The following CCDC93 variants were observed in gnomAD, a reference collection of about 807,000 sequenced individuals.
The protein encoded by CCDC93 is CCC complex scaffolding subunit CCDC93.
Under a neutral mutation model 108.2 loss-of-function variants are expected in CCDC93, and 61 were observed. The ratio of observed to expected loss-of-function variants is 0.56; its 90% confidence interval spans 0.46 to 0.70. The LOEUF is 0.70. Ranked by LOEUF, CCDC93 falls within the 30% of genes least tolerant of loss-of-function variation. CCDC93 has a pLI of 0.00. For missense variants in CCDC93, 685 were observed against 764.2 expected, an observed-to-expected ratio of 0.90 and a Z score of 1.22; for synonymous variants, 276 against 260.4, an observed-to-expected ratio of 1.06 and a Z score of -0.58.
intron 17 of CCDC93, among the ~76,000 whole-genome samples, chr2:117,944,303 C>G (rs1266512429): frequency 6.6e-6 from 1 of 152,180 alleles, no homozygotes; most frequent in Non-Finnish European, 1.5e-5. Flanking sequence ...TTCTGGGACC[C>G]AGGGCAAATC....
chr2:117,980,660 T>G (rs899578826), intron 7 of CCDC93, among the ~76,000 whole-genome samples: 2 of 152,196 alleles, frequency 1.3e-5, no homozygotes, highest in Non-Finnish European at 2.9e-5. Context: ...AGGAAGAAAT[T>G]TGCTTCATTC....
intron 23 of CCDC93, among the ~76,000 whole-genome samples, chr2:117,926,700 G>A (rs926566537): frequency 2.6e-5 from 4 of 152,202 alleles, no homozygotes; most frequent in African/African-American, 7.2e-5. Flanking sequence ...ACAAGGAGGA[G>A]CTGGTACCAT....
At chr2:117,988,360 T>C (rs1680380910) in intron 6 of CCDC93, among the ~76,000 whole-genome samples, 1 of 152,162 alleles carries the variant, frequency 6.6e-6, no homozygotes, top group Admixed American at 6.6e-5. Flanking sequence ...ACCATGGCAG[T>C]GTCTGCAGCA....
At chr2:117,932,695 A>C (rs961240147) in intron 22 of CCDC93, among the ~76,000 whole-genome samples, 6 of 152,164 alleles carry the variant, frequency 3.9e-5, no homozygotes, top group South Asian at 2.1e-4. Flanking sequence ...CTCAGCAGCA[A>C]GTCCTGATCC....
Position 117,950,039 on chromosome 2 carries a change from T to C in CCDC93, c.1069-644A>G, listed in dbSNP as rs17047567. On this transcript the variant is annotated intron_variant, in intron 13 of 23. Coordinates refer to ENST00000376300, the MANE Select transcript of CCDC93 (RefSeq NM_019044.5). ...CTCAGAGGCAGGGCGGGGTCCCACA[T>C]AGTTGGTGATACCCAGCAGAAATGG... 8.1e-3 allele frequency: 7,987 copies of C among 985,332 alleles called. 482 individuals are homozygous for C. In the African/African-American group the frequency reaches 0.12, roughly 15 times the overall value. 61.0% of individuals were successfully genotyped at this position (985,332 alleles called of 1,614,324 possible).
At chr2:117,932,355 A>C (rs1678368415) in intron 22 of CCDC93, among the ~76,000 whole-genome samples, 1 of 152,070 alleles carries the variant, frequency 6.6e-6, no homozygotes, top group Non-Finnish European at 1.5e-5. Context: ...CTATAGGTAA[A>C]ATTGACTGCA....
At chr2:117,949,208 G>C (rs1018974170) in intron 14 of CCDC93, 114 bp downstream of exon 14, 1 of 737,342 alleles carries the variant, frequency 1.4e-6, no homozygotes, top group Admixed American at 2.0e-5. Flanking sequence ...ACCTGCAGGG[G>C]CCAGACCAAT....
chr2:117,980,905 T>C (rs1034436955), intron 7 of CCDC93, among the ~76,000 whole-genome samples: 5 of 152,200 alleles, frequency 3.3e-5, no homozygotes, highest in East Asian at 1.9e-4. Context: ...TCTGTCTCTA[T>C]GGATTTGCTA....
At chr2:117,939,743 C>T (rs140229622) in intron 19 of CCDC93, among the ~76,000 whole-genome samples, 35 of 152,290 alleles carry the variant, frequency 2.3e-4, no homozygotes, top group African/African-American at 8.4e-4. Context: ...GATCTGATCT[C>T]CTCCAATAGA....
chr2:117,943,088 C>T (rs537484271), intron 18 of CCDC93, among the ~76,000 whole-genome samples: 1 of 152,320 alleles, frequency 6.6e-6, no homozygotes, highest in African/African-American at 2.4e-5. Context: ...ATTCTACAGC[C>T]ACTGCCTAAC....
chr2:118,002,078 T>C (rs189345105), intron 3 of CCDC93, among the ~76,000 whole-genome samples: 1 of 151,798 alleles, frequency 6.6e-6, no homozygotes, highest in African/African-American at 2.4e-5. Context: ...TTAAAAAAAA[T>C]CTTAGCCAGT....
Position 117,996,375 on chromosome 2 carries a change from G to A in CCDC93, c.364-13C>T. The A allele has an allele frequency of 3.1e-6, 5 of 1,591,212 alleles. No homozygotes were observed. The highest frequency in any genetic ancestry group is 1.1e-5 in the South Asian group (1 of 90,616). ...GTTTCACCAGCCACTGGGGAAGAAA[G>A]TGAAAAGACAAGAGTTGCTAAGGAC... is the stretch of plus-strand genomic sequence containing the variant. On this transcript the variant is annotated splice_polypyrimidine_tract_variant and intron_variant, in intron 4 of 23. Transcript: ENST00000376300.
At position 117,919,481 on chromosome 2, in the gene CCDC93, A is replaced by C. The variant is rs1023758456; in HGVS notation, c.*862T>G. On this transcript the variant is annotated 3_prime_UTR_variant, in exon 24 of 24. Coordinates refer to ENST00000376300, the MANE Select transcript of CCDC93 (RefSeq NM_019044.5). ...GCCTTGAGTGCAGGGAACAGTGTCT[A>C]TCTCTCTCCTGGCTCAGACCATGAC... The C allele has an allele frequency of 7.9e-5, 12 of 152,196 alleles. No homozygotes were observed. Among genetic ancestry groups the C allele is most frequent in the South Asian group, 2.1e-4 (1 of 4,814 alleles). The allele number at this position is 152,196 out of a possible 1,614,324, so 9.4% of individuals were successfully genotyped here.
intron 6 of CCDC93, among the ~76,000 whole-genome samples, 182 bp from the exon 7 acceptor site, chr2:117,986,251 T>C (rs927711267): frequency 1.2e-4 from 17 of 145,966 alleles, no homozygotes; most frequent in Admixed American, 2.2e-4. Flanking sequence ...TGCCAACAGC[T>C]CTGCCTCTAC....
In CCDC93 at chr2:117,952,281, C is replaced by A. The variant is rs571264537; in HGVS notation, c.1068+92G>T. ...AGAACAGGATCGTGTCTCCCACACA[C>A]AGACCGATGAAACACATCATTCCAT... On this transcript the variant is annotated intron_variant, in intron 13 of 23. Transcript: ENST00000376300. 92 of 880,986 alleles carry A rather than the reference C, an allele frequency of 1.0e-4. No homozygotes were observed. In the African/African-American group the frequency reaches 1.4e-3, roughly 13 times the overall value. 54.6% of individuals were successfully genotyped at this position (880,986 alleles called of 1,614,324 possible). A position where few individuals can be genotyped will look rare whatever the true frequency, so the allele number is the denominator to read the frequency against.
intron 1 of CCDC93, among the ~76,000 whole-genome samples, chr2:118,009,619 G>A (rs1230147279): frequency 1.3e-5 from 2 of 152,100 alleles, no homozygotes; most frequent in African/African-American, 2.4e-5. Context: ...TTGCAGTGAG[G>A]TGAGACTGTG....
Position 117,935,505 on chromosome 2 carries a change from C to T in CCDC93, c.1718G>A (p.Ser573Asn), listed in dbSNP as rs1402006925. The change falls in exon 22 of 24, where the codon AGT becomes AAT. Residue 573 changes from serine to asparagine, a missense_variant. Physicochemically the swap from Ser to Asn is conservative, Grantham distance 46 (BLOSUM62 1). Transcript: ENST00000376300. ...AAGAAGCCATCTGACCTTCATTCTACTTTGCTTAATTCCTTCCACAATCTG... is the reference window on the plus strand; with the variant it reads ...AAGAAGCCATCTGACCTTCATTCTATTTTGCTTAATTCCTTCCACAATCTG... ...MEQIVEGIKQ[S>N]RMKMEKKKQE... is the part of the protein sequence containing the mutation. The T allele has an allele frequency of 6.2e-7, 1 of 1,613,138 alleles. No homozygotes were observed. Among genetic ancestry groups the T allele is most frequent in the Admixed American group, 1.7e-5 (1 of 59,998 alleles).
intron 13 of CCDC93, chr2:117,951,005 C>T: frequency 3.0e-6 from 3 of 985,184 alleles, no homozygotes; most frequent in Non-Finnish European, 3.6e-6. Flanking sequence ...ATCACACCCT[C>T]CACCTTTCTA....
chr2:117,940,558 C>T (rs948304516), intron 19 of CCDC93, among the ~76,000 whole-genome samples: 1 of 152,174 alleles, frequency 6.6e-6, no homozygotes, highest in African/African-American at 2.4e-5. Context: ...TGAGGAGTTC[C>T]TGAAGATTTG....
Sources: allele counts gnomAD v4.1 joint callset (sites outside exome capture counted in the v4.1 genomes callset), GRCh38; gene constraint gnomAD v4.1.1; transcripts MANE v1.5; gene names NCBI Gene and HGNC (gene_info 2026-07-23, HGNC 2026-07-21).